The following ADAMTSL1 variants were observed in gnomAD, a reference collection of about 807,000 sequenced individuals.
ADAMTSL1 encodes ADAMTS-like protein 1.
In ADAMTSL1, 126 loss-of-function variants were observed where a neutral mutation model predicts 201.8. The observed-to-expected ratio is 0.62, with a 90% CI of 0.54 to 0.72. The LOEUF is 0.72. ADAMTSL1 is among the 30% of genes least tolerant of loss of function. The probability of loss-of-function intolerance (pLI) is 0.00; values close to 1 mark genes in which losing one functional copy is unlikely to be tolerated. For missense variants in ADAMTSL1, 2,679 were observed against 2,277.8 expected (o/e 1.18, Z -3.59); for synonymous variants, 1,121 against 903.4 (o/e 1.24, Z -4.32).
intron 2 of ADAMTSL1, among the ~76,000 whole-genome samples, chr9:18,353,546 T>A (rs1227878519): frequency 6.6e-6 from 1 of 152,214 alleles, no homozygotes; most frequent in African/African-American, 2.4e-5. Flanking sequence ...AAGCTATAAT[T>A]TATCTGACTT....
intron 1 of ADAMTSL1, among the ~76,000 whole-genome samples, chr9:18,006,182 C>G (rs527776651): frequency 3.3e-4 from 50 of 151,946 alleles, no homozygotes; most frequent in Admixed American, 3.3e-4. Flanking sequence ...TGAGTGTGGA[C>G]TTGGGAAGAG....
chr9:18,131,277 G>A (rs767050944), intron 1 of ADAMTSL1, among the ~76,000 whole-genome samples: 1 of 152,064 alleles, frequency 6.6e-6, no homozygotes, highest in Non-Finnish European at 1.5e-5. Flanking sequence ...GTCACTTGGG[G>A]ATTCTCTGAG....
chr9:18,591,040 A>G (rs1349036740), intron 4 of ADAMTSL1, among the ~76,000 whole-genome samples: 1 of 152,160 alleles, frequency 6.6e-6, no homozygotes, highest in East Asian at 1.9e-4. Flanking sequence ...TGTCTGTTAC[A>G]CCATTTGGTC....
At chr9:18,843,077 A>G (rs1012050450) in intron 23 of ADAMTSL1, among the ~76,000 whole-genome samples, 9 of 151,642 alleles carry the variant, frequency 5.9e-5, no homozygotes, top group East Asian at 1.9e-4. Context: ...TCCTGTCATT[A>G]TGATGTTAGC....
In ADAMTSL1 at chr9:18,756,076, A is replaced by AATATATATATATATAT. The variant is rs55717414; in HGVS notation, c.2217+2600_2217+2615dup. On this transcript the variant is annotated intron_variant, in intron 16 of 28. Transcript: ENST00000380548. ...ATGGTGAAACCCTGTCTCTACTGAA[A>AATATATATATATATAT]ATATATATATATATATATATATATA... 2.1e-3 allele frequency among the ~76,000 whole-genome samples: 166 copies of AATATATATATATATAT among 80,652 alleles called. 2 individuals are homozygous for AATATATATATATATAT. Among genetic ancestry groups the AATATATATATATATAT allele is most frequent in the Non-Finnish European group, 3.0e-3 (114 of 38,058 alleles). The allele number at this position is 80,652 out of a possible 152,430, so 52.9% of individuals were successfully genotyped here.
chr9:18,250,490 CAG>C (rs1831420569), intron 2 of ADAMTSL1, among the ~76,000 whole-genome samples: 1 of 152,118 alleles, frequency 6.6e-6, no homozygotes, highest in Admixed American at 6.6e-5. Context: ...AGAATGGAAA[CAG>C]AAGAAAAGAA....
At chr9:18,303,030 C>T (rs1486119412) in intron 2 of ADAMTSL1, among the ~76,000 whole-genome samples, 6 of 152,086 alleles carry the variant, frequency 3.9e-5, no homozygotes, top group Non-Finnish European at 7.3e-5. Flanking sequence ...GAGAAACTCA[C>T]GCTTTTTTCT....
rs185672280 is a variant in ADAMTSL1 at position 18,816,909 on chromosome 9, C to A, written c.3806-200C>A. On this transcript the variant is annotated intron_variant, in intron 20 of 28. Coordinates refer to ENST00000380548, the MANE Select transcript of ADAMTSL1 (RefSeq NM_001040272.6). The stretch of plus-strand genomic sequence containing the variant: ...CCATCATTGCAAACATTTATCATTT[C>A]TTTTACTGACAACACTGCGGTAGGT... 2.7e-3 allele frequency among the ~76,000 whole-genome samples: 417 copies of A among 152,078 alleles called. 3 individuals are homozygous for A. Among genetic ancestry groups the A allele is most frequent in the African/African-American group, 9.4e-3 (392 of 41,488 alleles).
chr9:18,394,962 T>C (rs1035388050), intron 2 of ADAMTSL1, among the ~76,000 whole-genome samples: 1 of 152,226 alleles, frequency 6.6e-6, no homozygotes, highest in Non-Finnish European at 1.5e-5. Context: ...TTTCATAAAG[T>C]GTTAAGAGAG....
intron 1 of ADAMTSL1, among the ~76,000 whole-genome samples, chr9:17,913,968 C>G (rs1376127886): frequency 6.6e-6 from 1 of 152,084 alleles, no homozygotes; most frequent in Non-Finnish European, 1.5e-5. Flanking sequence ...AAGACTAAAC[C>G]AGGAAGAAGT....
chr9:18,367,661 T>C (rs1398367985), intron 2 of ADAMTSL1, among the ~76,000 whole-genome samples: 1 of 152,102 alleles, frequency 6.6e-6, no homozygotes. Flanking sequence ...TCAAAATAAC[T>C]TTATGAGCTA....
intron 15 of ADAMTSL1, among the ~76,000 whole-genome samples, chr9:18,733,103 A>G (rs556623728): frequency 2.0e-4 from 30 of 152,290 alleles, no homozygotes; most frequent in African/African-American, 6.5e-4. Context: ...CACTGTGTTT[A>G]CAGATCCATC....
intron 20 of ADAMTSL1, among the ~76,000 whole-genome samples, chr9:18,803,582 T>G (rs1021034867): frequency 1.3e-5 from 2 of 152,336 alleles, no homozygotes; most frequent in Non-Finnish European, 2.9e-5. Context: ...ACAGCTCATT[T>G]TCATCTGACT....
chr9:18,574,377 T>A, intron 4 of ADAMTSL1, 111 bp downstream of exon 4: 1 of 989,470 alleles, frequency 1.0e-6, no homozygotes, highest in Non-Finnish European at 1.6e-6. Flanking sequence ...CTTTTTAGAG[T>A]TTGTAAATGG....
chr9:18,723,826 G>C (rs1045866142), intron 15 of ADAMTSL1: 2 of 152,372 alleles, frequency 1.3e-5, no homozygotes, highest in South Asian at 4.1e-4. Context: ...TGCCTTTCCT[G>C]TGGAATATCT....
intron 1 of ADAMTSL1, among the ~76,000 whole-genome samples, chr9:18,089,119 T>C (rs1327326931): frequency 6.6e-6 from 1 of 152,154 alleles, no homozygotes; most frequent in African/African-American, 2.4e-5. Flanking sequence ...GCCATTGCGC[T>C]GCAGCCTGGG....
intron 1 of ADAMTSL1, among the ~76,000 whole-genome samples, chr9:17,984,884 T>A (rs1588523810): frequency 1.3e-5 from 2 of 152,160 alleles, no homozygotes; most frequent in East Asian, 3.8e-4. Context: ...CCCTCTACCT[T>A]TGTAATTTTA....
rs180791925 is a variant in ADAMTSL1, at chr9:18,319,223, A to G, written c.207+155242A>G. Among the ~76,000 whole-genome samples the G allele has an allele frequency of 7.1e-4, 108 of 152,316 alleles. 1 individual carries two copies. The East Asian group carries it at 0.018, about 25-fold the overall frequency. On this transcript the variant is annotated intron_variant, in intron 2 of 29. Coordinates refer to the ADAMTSL1 transcript ENST00000680146. ...CTCTATTTAAAAAAAAGAAAAAGCC[A>G]GCTGAAGATCAGAGAATGTAAGCAG...
chr9:18,844,167 T>C (rs1402717706), intron 23 of ADAMTSL1, among the ~76,000 whole-genome samples: 2 of 152,218 alleles, frequency 1.3e-5, no homozygotes, highest in African/African-American at 2.4e-5. Flanking sequence ...TTTGTGGTTT[T>C]ATCTACTTTT....
Sources: allele counts gnomAD v4.1 joint callset (sites outside exome capture counted in the v4.1 genomes callset), GRCh38; gene constraint gnomAD v4.1.1; transcripts MANE v1.5; gene names NCBI Gene and HGNC (gene_info 2026-07-23, HGNC 2026-07-21).